The following STK39 variants were observed in gnomAD, a reference collection of about 807,000 sequenced individuals.
The protein encoded by STK39 is serine/threonine kinase 39.
A neutral mutation model predicts 77.8 loss-of-function variants in STK39; 20 were observed. That is an observed-to-expected ratio of 0.26 (90% CI 0.18 to 0.37). STK39 has a LOEUF of 0.37. STK39 is among the 10% of genes least tolerant of loss of function. The pLI, the probability that STK39 is intolerant of heterozygous loss-of-function variation, is 1.00. For synonymous variants in STK39, 246 were observed against 234.1 expected (o/e 1.05, Z -0.47); for missense variants, 479 against 656.5 (o/e 0.73, Z 2.95).
At chr2:168,063,463 G>A (rs1574432573) in intron 14 of STK39, 37 bp downstream of exon 14, 1 of 1,564,290 alleles carries the variant, frequency 6.4e-7, no homozygotes, top group Non-Finnish European at 8.7e-7. Context: ...TTGTACTATA[G>A]GAAAAACAAT....
intron 14 of STK39, among the ~76,000 whole-genome samples, chr2:168,019,581 G>C (rs866863117): frequency 2.0e-5 from 3 of 152,170 alleles, no homozygotes; most frequent in African/African-American, 7.2e-5. Flanking sequence ...AATCATGTTG[G>C]ACCCCAGACT....
intron 16 of STK39, among the ~76,000 whole-genome samples, chr2:167,998,145 T>C (rs1273181024): frequency 5.3e-5 from 8 of 152,210 alleles, no homozygotes; most frequent in Non-Finnish European, 8.8e-5. Context: ...AACTATCAGA[T>C]GGCTTTACCA....
At chr2:168,234,847 A>G (rs986183376) in intron 1 of STK39, among the ~76,000 whole-genome samples, 1 of 151,838 alleles carries the variant, frequency 6.6e-6, no homozygotes, top group African/African-American at 2.4e-5. Flanking sequence ...TTATTCAGAC[A>G]TATTTTTACT....
chr2:168,098,042 T>C (rs1179792403), intron 10 of STK39, among the ~76,000 whole-genome samples: 1 of 152,206 alleles, frequency 6.6e-6, no homozygotes, highest in Non-Finnish European at 1.5e-5. Flanking sequence ...TTAGAAATCA[T>C]ATGGGGTAAG....
chr2:168,095,873 G>A (rs1046749135), intron 10 of STK39, among the ~76,000 whole-genome samples: 1 of 151,800 alleles, frequency 6.6e-6, no homozygotes, highest in Non-Finnish European at 1.5e-5. Context: ...CTTTTCTTTT[G>A]TTGAAAGACA....
intron 1 of STK39, among the ~76,000 whole-genome samples, chr2:168,230,227 C>T (rs10170715): frequency 0.38 from 58,219 of 152,026 alleles, 12,073 homozygotes; most frequent in Non-Finnish European, 0.48. Context: ...AAAAATCTAT[C>T]TCCTTTCCCT....
intron 14 of STK39, among the ~76,000 whole-genome samples, chr2:168,038,542 A>C (rs1685017398): frequency 1.3e-5 from 2 of 152,042 alleles, no homozygotes; most frequent in African/African-American, 4.8e-5. Flanking sequence ...ATAGTATACA[A>C]GAAAATACAA....
chr2:168,203,504 G>T (rs1689663036), intron 1 of STK39, among the ~76,000 whole-genome samples: 2 of 152,162 alleles, frequency 1.3e-5, no homozygotes, highest in South Asian at 4.1e-4. Flanking sequence ...TAAAGTTGGG[G>T]CTCCACAGAC....
At chr2:168,128,688 A>G (rs1359127952) in intron 10 of STK39, among the ~76,000 whole-genome samples, 1 of 152,232 alleles carries the variant, frequency 6.6e-6, no homozygotes, top group East Asian at 1.9e-4. Flanking sequence ...AGTATCTGGA[A>G]TTTAATATTC....
intron 5 of STK39, among the ~76,000 whole-genome samples, chr2:168,145,942 T>C (rs978740511): frequency 6.6e-6 from 1 of 152,184 alleles, no homozygotes; most frequent in Non-Finnish European, 1.5e-5. Context: ...AAATGGGCTT[T>C]CACTGCTGAA....
At chr2:167,961,852 T>C (rs1691968845) in intron 17 of STK39, among the ~76,000 whole-genome samples, 1 of 152,134 alleles carries the variant, frequency 6.6e-6, no homozygotes, top group Non-Finnish European at 1.5e-5. Context: ...GACCAGACAT[T>C]AGGTCCTAAA....
At chr2:168,076,787 A>G (rs1686090382) in intron 10 of STK39, among the ~76,000 whole-genome samples, 1 of 152,116 alleles carries the variant, frequency 6.6e-6, no homozygotes, top group Non-Finnish European at 1.5e-5. Context: ...TGGGCTTGGC[A>G]TCAGATATTT....
chr2:168,187,385 T>C (rs1227579372), intron 1 of STK39, among the ~76,000 whole-genome samples: 10 of 152,064 alleles, frequency 6.6e-5, no homozygotes. Context: ...AATATCTATG[T>C]CAATCCAGAT....
chr2:167,964,586 T>C, intron 17 of STK39, 76 bp downstream of exon 17: 3 of 1,320,542 alleles, frequency 2.3e-6, no homozygotes, highest in Non-Finnish European at 3.2e-6. Context: ...GAGTAGGTTA[T>C]TAAACTAGAT....
At chr2:168,161,665 G>A (rs1184268012) in intron 5 of STK39, 122 bp downstream of exon 5, 9 of 674,748 alleles carry the variant, frequency 1.3e-5, no homozygotes, top group Non-Finnish European at 2.2e-5. Flanking sequence ...CAAACATTCT[G>A]TAAATATCAT....
intron 16 of STK39, among the ~76,000 whole-genome samples, chr2:167,978,836 A>G (rs1353217988): frequency 6.6e-6 from 1 of 151,998 alleles, no homozygotes; most frequent in African/African-American, 2.4e-5. Flanking sequence ...ATTAGTTTAC[A>G]TTTTCTAAAT....
At position 168,247,335 on chromosome 2, in the gene STK39, G is replaced by C; in HGVS notation, c.101C>G (p.Ala34Gly). The C allele has an allele frequency of 9.6e-7, 1 of 1,040,754 alleles. No individual in the cohort carries two copies. The highest frequency in any genetic ancestry group is 1.2e-6 in the Non-Finnish European group (1 of 862,882). The allele number at this position is 1,040,754 out of a possible 1,614,324, so 64.5% of individuals were successfully genotyped here. The change falls in exon 1 of 18, where the codon GCG becomes GGG. Residue 34 changes from alanine (A) to glycine (G), a missense_variant. This residue lies in a region of STK39 where 96 missense variants were observed against 79.1 expected (regional missense o/e 1.21). Transcript: ENST00000355999. ...AAAAPAAATA[A>G]PAPAAPAAPA... ...GGCCGCGGGAGCTGCCGGGGCCGGC[G>C]CTGCTGTCGCGGCCGCCGGGGCCGC...
chr2:168,046,552 GAGGTGAGTCACTTGCTCACCTCCCT>G lies in STK39; in HGVS notation c.1376+16923_1376+16947del, dbSNP rs560733057. 6.6e-4 allele frequency among the ~76,000 whole-genome samples: 101 copies of G among 152,316 alleles called. 5 individuals carry two copies. The South Asian group carries it at 0.02, about 31-fold the overall frequency. On this transcript the variant is annotated intron_variant, in intron 14 of 17. Transcript: ENST00000355999. ...GCCATCACCCCACTCCTCCCAAGTG[GAGGTGAGTCACTTGCTCACCTCCCT>G]AGGTGAAAGGAAGCAGAGCTGGCCT...
At chr2:168,123,674 G>T (rs1687465371) in intron 10 of STK39, among the ~76,000 whole-genome samples, 1 of 151,936 alleles carries the variant, frequency 6.6e-6, no homozygotes, top group Non-Finnish European at 1.5e-5. Context: ...GTTCAAGAGA[G>T]CCTGGCCAAC....
Sources: gnomAD v4.1 joint callset for allele counts (sites outside exome capture counted in the v4.1 genomes callset) on GRCh38, gnomAD v4.1.1 for gene constraint, gnomAD v4.1.1 regional missense constraint, MANE v1.5 for transcripts, NCBI Gene and HGNC (gene_info 2026-07-23, HGNC 2026-07-21) for gene names.